CDKAL1: variants seen among roughly 807,000 people sequenced by gnomAD.
The protein encoded by CDKAL1 is CDKAL1 threonylcarbamoyladenosine tRNA methylthiotransferase, also known as threonylcarbamoyladenosine tRNA methylthiotransferase.
Under a neutral mutation model 68.2 loss-of-function variants are expected in CDKAL1, and 32 were observed. That is an observed-to-expected ratio of 0.47 (90% CI 0.35 to 0.63). The LOEUF (loss-of-function observed/expected upper bound fraction) is 0.63, where lower values mean the gene tolerates loss of function less well. Among genes scored for constraint, CDKAL1 ranks in the 30% least tolerant of loss-of-function variants. The pLI is 0.00. For synonymous variants in CDKAL1, 234 were observed against 244.3 expected (o/e 0.96, Z 0.39); for missense variants, 606 against 696.7 (o/e 0.87, Z 1.47).
chr6:20,860,294 G>T (rs998787556), intron 9 of CDKAL1, among the ~76,000 whole-genome samples: 3 of 152,048 alleles, frequency 2.0e-5, no homozygotes, highest in Non-Finnish European at 4.4e-5. Flanking sequence ...GGCCAGGCTG[G>T]TCTAAAACTC....
At chr6:20,707,394 A>G (rs1303862150) in intron 5 of CDKAL1, among the ~76,000 whole-genome samples, 3 of 152,220 alleles carry the variant, frequency 2.0e-5, no homozygotes, top group Non-Finnish European at 4.4e-5. Context: ...TTCAGCAACC[A>G]CAGAATGCTT....
intron 9 of CDKAL1, among the ~76,000 whole-genome samples, chr6:20,922,769 T>C (rs1039292368): frequency 6.6e-6 from 1 of 152,220 alleles, no homozygotes; most frequent in African/African-American, 2.4e-5. Flanking sequence ...CTTGGGAAGC[T>C]TTTGTTCATT....
chr6:21,035,833 A>G (rs1561979004), intron 11 of CDKAL1, among the ~76,000 whole-genome samples: 2 of 152,176 alleles, frequency 1.3e-5, no homozygotes, highest in African/African-American at 4.8e-5. Flanking sequence ...TCATGATATC[A>G]GCATAACATG....
At chr6:20,684,936 G>C (rs1400587704) in intron 5 of CDKAL1, among the ~76,000 whole-genome samples, 1 of 152,024 alleles carries the variant, frequency 6.6e-6, no homozygotes, top group African/African-American at 2.4e-5. Context: ...CATATCTTTT[G>C]CAAGTATTTT....
At chr6:21,207,699 T>C (rs1216343727) in intron 15 of CDKAL1, among the ~76,000 whole-genome samples, 1 of 152,206 alleles carries the variant, frequency 6.6e-6, no homozygotes, top group East Asian at 1.9e-4. Context: ...AAATGAGTGA[T>C]AGTACTACCT....
chr6:21,099,351 G>A (rs953961272), intron 12 of CDKAL1, among the ~76,000 whole-genome samples: 1 of 152,172 alleles, frequency 6.6e-6, no homozygotes, highest in African/African-American at 2.4e-5. Context: ...GAGCACGGCT[G>A]TGTTCCAATA....
intron 9 of CDKAL1, among the ~76,000 whole-genome samples, chr6:20,931,707 C>T (rs887055395): frequency 1.3e-5 from 2 of 152,184 alleles, no homozygotes; most frequent in Non-Finnish European, 2.9e-5. Flanking sequence ...TGCCTCATGC[C>T]TTTCCTTCCT....
intron 9 of CDKAL1, among the ~76,000 whole-genome samples, chr6:20,884,025 A>G (rs183142154): frequency 2.1e-4 from 32 of 152,338 alleles, no homozygotes; most frequent in African/African-American, 7.5e-4. Flanking sequence ...ATCAGAAGAA[A>G]AGAAAATTAT....
chr6:20,950,157 T>C (rs1764453396), intron 9 of CDKAL1, among the ~76,000 whole-genome samples: 1 of 152,078 alleles, frequency 6.6e-6, no homozygotes, highest in African/African-American at 2.4e-5. Flanking sequence ...GCGTAAAGCA[T>C]AGTGGCCGGA....
intron 12 of CDKAL1, among the ~76,000 whole-genome samples, chr6:21,094,792 G>A (rs1773235612): frequency 6.6e-6 from 1 of 152,188 alleles, no homozygotes; most frequent in East Asian, 1.9e-4. Context: ...TTAAATGAAT[G>A]AATGCTTATT....
At chr6:20,973,657 T>G (rs1204663740) in intron 10 of CDKAL1, among the ~76,000 whole-genome samples, 1 of 152,166 alleles carries the variant, frequency 6.6e-6, no homozygotes, top group Non-Finnish European at 1.5e-5. Flanking sequence ...CAGGCTGGGG[T>G]GCAGTGGTGT....
At chr6:20,749,619 C>T (rs559067295) in intron 6 of CDKAL1, among the ~76,000 whole-genome samples, 2 of 151,932 alleles carry the variant, frequency 1.3e-5, no homozygotes, top group African/African-American at 4.8e-5. Context: ...ACGATCTCGG[C>T]TCACTGCAAG....
intron 7 of CDKAL1, among the ~76,000 whole-genome samples, chr6:20,767,709 G>A (rs1774762511): frequency 6.6e-6 from 1 of 152,064 alleles, no homozygotes; most frequent in Admixed American, 6.5e-5. Flanking sequence ...ATAATAATTG[G>A]TACAGGATTA....
intron 5 of CDKAL1, among the ~76,000 whole-genome samples, chr6:20,729,790 T>C (rs1772824297): frequency 6.6e-6 from 1 of 152,238 alleles, no homozygotes; most frequent in African/African-American, 2.4e-5. Context: ...ACTACCCTGC[T>C]TCTCAAATGA....
Position 21,000,343 on chromosome 6 carries a change from C to G in CDKAL1, c.1026C>G (p.Phe342Leu), listed in dbSNP as rs1362511352. Reference protein sequence around the residue: ...EMKREYCVADFKRVVDFLKEK... With the variant: ...EMKREYCVADLKRVVDFLKEK... ...AAAGAGAATACTGTGTGGCTGACTTCAAAAGAGTAGTGGATTTTCTGAAAG... is the reference window on the plus strand; with the variant it reads ...AAAGAGAATACTGTGTGGCTGACTTGAAAAGAGTAGTGGATTTTCTGAAAG... The change falls in exon 11 of 16, where the codon TTC (phenylalanine) becomes TTG (leucine). Residue 342 changes from phenylalanine to leucine, a missense_variant. By Grantham distance (22) the Phe-to-Leu change is conservative (BLOSUM62 0). Coordinates refer to ENST00000274695, the MANE Select transcript of CDKAL1 (RefSeq NM_017774.3). 5.6e-6 allele frequency: 9 copies of G among 1,613,444 alleles called. No homozygotes were observed. Among genetic ancestry groups the G allele is most frequent in the Non-Finnish European group, 7.6e-6 (9 of 1,179,644 alleles).
At chr6:20,913,366 T>A (rs1478839625) in intron 9 of CDKAL1, among the ~76,000 whole-genome samples, 1 of 152,174 alleles carries the variant, frequency 6.6e-6, no homozygotes, top group Non-Finnish European at 1.5e-5. Context: ...ACTGTAGGGT[T>A]GAGGGCTTCA....
chr6:21,176,682 G>GTTTTTTTTTTTTT (rs777506511), intron 13 of CDKAL1, among the ~76,000 whole-genome samples: 1 of 119,870 alleles, frequency 8.3e-6, no homozygotes, highest in Admixed American at 9.1e-5. Flanking sequence ...CTGGATGTTG[G>GTTTTTTTTTTTTT]TTTTTTTTTT....
intron 10 of CDKAL1, among the ~76,000 whole-genome samples, chr6:20,971,241 ACT>A (rs1481544552): frequency 1.3e-5 from 2 of 152,238 alleles, no homozygotes; most frequent in African/African-American, 4.8e-5. Flanking sequence ...TTCCACAATT[ACT>A]GTCTTTCATG....
At chr6:20,636,234 A>G (rs1220124319) in intron 4 of CDKAL1, among the ~76,000 whole-genome samples, 4 of 152,020 alleles carry the variant, frequency 2.6e-5, no homozygotes, top group Admixed American at 2.0e-4. Flanking sequence ...CACTATGTCG[A>G]GGTGGTATAT....
Sources: allele counts gnomAD v4.1 joint callset (sites outside exome capture counted in the v4.1 genomes callset), GRCh38; gene constraint gnomAD v4.1.1; transcripts MANE v1.5; gene names NCBI Gene and HGNC (gene_info 2026-07-23, HGNC 2026-07-21).